KIF2B: variants seen among roughly 807,000 people sequenced by gnomAD.
KIF2B encodes kinesin family member 2B.
In KIF2B, 5 loss-of-function variants were observed where a neutral mutation model predicts 6.8. That is an observed-to-expected ratio of 0.74 (90% confidence interval 0.39 to 1.55). KIF2B has a LOEUF of 1.55. Among genes scored for constraint, KIF2B ranks in the 40% most tolerant of loss-of-function variants. KIF2B has a pLI of 0.03. For synonymous variants in KIF2B, 370 were observed against 330.7 expected (o/e 1.12, Z -1.29); for missense variants, 908 against 831.3 (o/e 1.09, Z -1.13).
In KIF2B at chr17:53,824,222, G is replaced by A. The variant is rs2143784144; in HGVS notation, c.1189G>A (p.Val397Met). The A allele has an allele frequency of 6.2e-7, 1 of 1,614,190 alleles. No individual in the cohort carries two copies. Among genetic ancestry groups the A allele is most frequent in the South Asian group, 1.1e-5 (1 of 91,080 alleles). ...GCTGCAGGAGAAAGAGGTGTGTTGT[G>A]TGGAGGAAGTGCTGAACCTGGTGGA... The part of the protein sequence containing the change: ...VGLQEKEVCC[V>M]EEVLNLVEIG... Residue 397 changes from valine (V) to methionine (M), a missense_variant, in exon 1 of 1, where the codon GTG becomes ATG. Val to Met is a conservative substitution (Grantham distance 21, BLOSUM62 1). Coordinates refer to ENST00000268919, the MANE Select transcript of KIF2B (RefSeq NM_032559.5).
rs762047480 is a variant in KIF2B, at chr17:53,824,501, C to T, written c.1468C>T (p.Pro490Ser). 6.8e-6 allele frequency: 11 copies of T among 1,613,986 alleles called. No individual in the cohort carries two copies. The East Asian group carries it at 2.0e-4, about 29-fold the overall frequency. The stretch of plus-strand genomic sequence containing the variant: ...TATTCTGGCTTTGGGTCAGAACAAG[C>T]CTCACACCCCATTCAGAGCCAGCAA... ...ECILALGQNKPHTPFRASKLT... is the reference protein window; with the variant it reads ...ECILALGQNKSHTPFRASKLT... The change falls in exon 1 of 1, where the codon CCT becomes TCT. Residue 490 changes from proline to serine, a missense_variant. Physicochemically the swap from Pro to Ser is moderately conservative, Grantham distance 74. Transcript: ENST00000268919.
In KIF2B at chr17:53,824,929, T is replaced by C. The variant is rs1567760673; in HGVS notation, c.1896T>C (p.His632=). 1 of 1,614,022 alleles carries C rather than the reference T, an allele frequency of 6.2e-7. No homozygotes were observed. Among genetic ancestry groups the C allele is most frequent in the Non-Finnish European group, 8.5e-7 (1 of 1,179,932 alleles). The change falls in exon 1 of 1, where the codon CAT becomes CAC. Residue 632 remains histidine (H), a synonymous_variant. Transcript: ENST00000268919. The part of the protein sequence containing the change: ...NIQERAGGVH[H]DIDFCIARSL... ...AGGAGAGAGCTGGTGGAGTACACCA[T>C]GATATTGATTTTTGCATTGCCCGGT...
At position 53,823,175 on chromosome 17, in the gene KIF2B, G is replaced by C. The variant is rs373169435; in HGVS notation, c.142G>C (p.Glu48Gln). The C allele has an allele frequency of 6.2e-7, 1 of 1,614,210 alleles. No individual in the cohort carries two copies. Among genetic ancestry groups the C allele is most frequent in the Non-Finnish European group, 8.5e-7 (1 of 1,180,040 alleles). ...GCGGATCCACCTCGCTGTGGTCACG[G>C]AGATCAACAGAGAAAACTATTGGGT... Reference protein sequence around the residue: ...DKRIHLAVVTEINRENYWVTV... With the variant: ...DKRIHLAVVTQINRENYWVTV... Residue 48 changes from glutamate (E) to glutamine (Q), a missense_variant, in exon 1 of 1, where the codon GAG becomes CAG. Physicochemically the swap from Glu to Gln is conservative, Grantham distance 29 (BLOSUM62 2). Transcript: ENST00000268919.
rs2143786378 is a variant in KIF2B, at chr17:53,824,668, A to T, written c.1635A>T (p.Val545=). 1.2e-6 allele frequency: 2 copies of T among 1,614,204 alleles called. No homozygotes were observed. The highest frequency in any genetic ancestry group is 1.7e-5 in the Admixed American group (1 of 60,026). ...RYANRVKKLN[V]DVRPYHRGHY... The stretch of plus-strand genomic sequence containing the variant: ...CAAACAGAGTAAAAAAATTAAATGT[A>T]GATGTAAGGCCCTACCATCGTGGCC... Residue 545 remains valine (V), a synonymous_variant, in exon 1 of 1, where the codon GTA becomes GTT. Coordinates refer to ENST00000268919, the MANE Select transcript of KIF2B (RefSeq NM_032559.5).
Position 53,824,355 on chromosome 17 carries a change from G to A in KIF2B, c.1322G>A (p.Gly441Asp), listed in dbSNP as rs1159629377. Reference sequence around the variant, plus strand: ...CTGAAGTCAGGACGGATAATGCATGGCAAGTTTTCCCTCGTTGATTTAGCT... The same window carrying A: ...CTGAAGTCAGGACGGATAATGCATGACAAGTTTTCCCTCGTTGATTTAGCT... ...IILKSGRIMHGKFSLVDLAGN... is the reference protein window; with the variant it reads ...IILKSGRIMHDKFSLVDLAGN... The change falls in exon 1 of 1, where the codon GGC becomes GAC. Residue 441 changes from glycine to aspartate, a missense_variant. Gly to Asp is a moderately conservative substitution (Grantham distance 94). Transcript: ENST00000268919. 1 of 1,614,118 alleles carries A rather than the reference G, an allele frequency of 6.2e-7. No homozygotes were observed. Among genetic ancestry groups the A allele is most frequent in the Non-Finnish European group, 8.5e-7 (1 of 1,180,026 alleles).
rs2143785509 is a variant in KIF2B at position 53,824,478 on chromosome 17, T to C, written c.1445T>C (p.Ile482Thr). Residue 482 changes from isoleucine to threonine, a missense_variant, in exon 1 of 1, where the codon ATT becomes ACT. By Grantham distance (89) the Ile-to-Thr change is moderately conservative (BLOSUM62 -1). Coordinates refer to ENST00000268919, the MANE Select transcript of KIF2B (RefSeq NM_032559.5). Reference protein sequence around the residue: ...NKSLLALKECILALGQNKPHT... With the variant: ...NKSLLALKECTLALGQNKPHT... ...AGTCTTCTAGCCCTCAAAGAATGTATTCTGGCTTTGGGTCAGAACAAGCCT... is the reference window on the plus strand; with the variant it reads ...AGTCTTCTAGCCCTCAAAGAATGTACTCTGGCTTTGGGTCAGAACAAGCCT... The C allele has an allele frequency of 2.5e-6, 4 of 1,614,144 alleles. No homozygotes were observed. The highest frequency in any genetic ancestry group is 2.2e-5 in the East Asian group (1 of 44,860).
rs1374852950 is a variant in KIF2B at position 53,824,201 on chromosome 17, C to T, written c.1168C>T (p.Gln390Ter). Residue 390 changes from glutamine to a stop codon, truncating the protein, a stop_gained, in exon 1 of 1, where the codon CAG becomes TAG. Coordinates refer to ENST00000268919, the MANE Select transcript of KIF2B (RefSeq NM_032559.5). LOFTEE classifies it low-confidence loss of function (END_TRUNC). ...TCAGCAAATCCAAGTGGTCGGGCTG[C>T]AGGAGAAAGAGGTGTGTTGTGTGGA... is the stretch of plus-strand genomic sequence containing the variant. ...GNQQIQVVGLQEKEVCCVEEV... is the reference protein window; with the variant it reads ...GNQQIQVVGL 6.2e-7 allele frequency: 1 copy of T among 1,614,010 alleles called. No homozygotes were observed. Among genetic ancestry groups the T allele is most frequent in the Non-Finnish European group, 8.5e-7 (1 of 1,180,040 alleles).
chr17:53,823,259 A>G lies in KIF2B; in HGVS notation c.226A>G (p.Ile76Val), dbSNP rs1173564771. 8 of 1,614,166 alleles carry G rather than the reference A, an allele frequency of 5.0e-6. No individual in the cohort carries two copies. Among genetic ancestry groups the G allele is most frequent in the Non-Finnish European group, 6.8e-6 (8 of 1,180,040 alleles). ...KKGKKIDLET[I>V]LLLNPALDSA... The stretch of plus-strand genomic sequence containing the variant: ...AGGCAAGAAGATTGACCTGGAGACC[A>G]TACTCCTGCTGAATCCAGCTCTGGA... Residue 76 changes from isoleucine to valine, a missense_variant, in exon 1 of 1, where the codon ATA becomes GTA. Ile to Val is a conservative substitution (Grantham distance 29). Coordinates refer to ENST00000268919, the MANE Select transcript of KIF2B (RefSeq NM_032559.5).
In KIF2B at chr17:53,823,060, A is replaced by C. The variant is rs2143777404; in HGVS notation, c.27A>C (p.Glu9Asp). MASQFCLP[E>D]SPCLSPLKPL... ...TGGCCAGCCAGTTCTGCCTCCCTGA[A>C]TCCCCATGTCTCTCGCCCCTGAAAC... Residue 9 changes from glutamate to aspartate, a missense_variant, in exon 1 of 1, where the codon GAA (glutamate) becomes GAC (aspartate). Coordinates refer to ENST00000268919, the MANE Select transcript of KIF2B (RefSeq NM_032559.5). 6.2e-7 allele frequency: 1 copy of C among 1,613,798 alleles called. No homozygotes were observed. Among genetic ancestry groups the C allele is most frequent in the South Asian group, 1.1e-5 (1 of 91,062 alleles).
At position 53,824,578 on chromosome 17, in the gene KIF2B, C is replaced by G. The variant is rs776724226; in HGVS notation, c.1545C>G (p.Cys515Trp). The G allele has an allele frequency of 1.9e-6, 3 of 1,614,146 alleles. No homozygotes were observed. The Admixed American group carries it at 5.0e-5, about 27-fold the overall frequency. ...DSFIGQNSST[C>W]MIATISPGMT... ...TTATAGGCCAGAACTCCTCCACTTG[C>G]ATGATTGCTACCATCTCTCCGGGGA... The change falls in exon 1 of 1, where the codon TGC becomes TGG. Residue 515 changes from cysteine to tryptophan, a missense_variant. By Grantham distance (215) the Cys-to-Trp change is radical. Transcript: ENST00000268919.
At position 53,824,007 on chromosome 17, in the gene KIF2B, C is replaced by G. The variant is rs1199186935; in HGVS notation, c.974C>G (p.Ser325Cys). The G allele has an allele frequency of 6.2e-7, 1 of 1,614,096 alleles. No homozygotes were observed. Among genetic ancestry groups the G allele is most frequent in the African/African-American group, 1.3e-5 (1 of 74,944 alleles). The change falls in exon 1 of 1, where the codon TCT becomes TGT. Residue 325 changes from serine (S) to cysteine (C), a missense_variant. By Grantham distance (112) the Ser-to-Cys change is moderately radical. Coordinates refer to ENST00000268919, the MANE Select transcript of KIF2B (RefSeq NM_032559.5). The part of the protein sequence containing the change: ...GDFSGTAQDC[S>C]KGIYALVAQD... ...TTTTCAGGAACGGCCCAAGATTGTT[C>G]TAAGGGCATTTATGCTCTGGTGGCA...
In KIF2B at chr17:53,823,967, A is replaced by T. The variant is rs1263418563; in HGVS notation, c.934A>T (p.Thr312Ser). The part of the protein sequence containing the change: ...YGQTGSGKTY[T>S]MGGDFSGTAQ... ...GCAGACGGGAAGTGGGAAGACGTAC[A>T]CCATGGGTGGAGACTTTTCAGGAAC... is the stretch of plus-strand genomic sequence containing the variant. Residue 312 changes from threonine (T) to serine (S), a missense_variant, in exon 1 of 1, where the codon ACC (threonine) becomes TCC (serine). Thr to Ser is a moderately conservative substitution (Grantham distance 58). Transcript: ENST00000268919. The T allele has an allele frequency of 6.2e-7, 1 of 1,614,228 alleles. No homozygotes were observed.
Position 53,825,107 on chromosome 17 carries a change from C to A in KIF2B, c.*52C>A. 1 of 1,286,748 alleles carries A rather than the reference C, an allele frequency of 7.8e-7. No homozygotes were observed. The highest frequency in any genetic ancestry group is 1.1e-6 in the Non-Finnish European group (1 of 926,454). 79.7% of individuals were successfully genotyped at this position (1,286,748 alleles called of 1,614,324 possible). A position where few individuals can be genotyped will look rare whatever the true frequency, so the allele number is the denominator to read the frequency against. On this transcript the variant is annotated 3_prime_UTR_variant, in exon 1 of 1. Coordinates refer to ENST00000268919, the MANE Select transcript of KIF2B (RefSeq NM_032559.5). ...AATGCTGCATTGCTGCAGTTTCCAC[C>A]ACTCTTATACAGGAAAACTGTCCAA...
Position 53,825,035 on chromosome 17 carries a change from G to A in KIF2B, c.2002G>A (p.Val668Met), listed in dbSNP as rs1199341356. ...KLKLLLADLH[V>M]KSKVE Reference sequence around the variant, plus strand: ...GAAATTATTACTAGCTGACCTCCACGTGAAGAGCAAGGTAGAGTGAAGCCA... The same window carrying A: ...GAAATTATTACTAGCTGACCTCCACATGAAGAGCAAGGTAGAGTGAAGCCA... The change falls in exon 1 of 1, where the codon GTG becomes ATG. Residue 668 changes from valine to methionine, a missense_variant. Coordinates refer to ENST00000268919, the MANE Select transcript of KIF2B (RefSeq NM_032559.5). 22 of 1,609,552 alleles carry A rather than the reference G, an allele frequency of 1.4e-5. No individual in the cohort carries two copies. The highest frequency in any genetic ancestry group is 3.3e-5 in the South Asian group (3 of 90,200).
rs199974044 is a variant in KIF2B at position 53,824,951 on chromosome 17, C to T, written c.1918C>T (p.Arg640Trp). Reference sequence around the variant, plus strand: ...CCATGATATTGATTTTTGCATTGCCCGGTCTTTGTCCATTTTGGAGCAGAA... The same window carrying T: ...CCATGATATTGATTTTTGCATTGCCTGGTCTTTGTCCATTTTGGAGCAGAA... ...VHHDIDFCIA[R>W]SLSILEQKID... The change falls in exon 1 of 1, where the codon CGG (arginine) becomes TGG (tryptophan). Residue 640 changes from arginine to tryptophan, a missense_variant. Coordinates refer to ENST00000268919, the MANE Select transcript of KIF2B (RefSeq NM_032559.5). The T allele has an allele frequency of 1.4e-4, 228 of 1,614,042 alleles. No homozygotes were observed. Among genetic ancestry groups the T allele is most frequent in the Non-Finnish European group, 8.1e-5 (96 of 1,179,990 alleles).
Position 53,824,403 on chromosome 17 carries a change from C to T in KIF2B, c.1370C>T (p.Thr457Ile), listed in dbSNP as rs528697656. The T allele has an allele frequency of 2.5e-6, 4 of 1,614,098 alleles. No homozygotes were observed. Among genetic ancestry groups the T allele is most frequent in the African/African-American group, 2.7e-5 (2 of 75,020 alleles). ...GCTGGGAATGAAAGAGGAGCAGATA[C>T]AACCAAGGCCAGCCGGAAAAGGCAG... The part of the protein sequence containing the change: ...DLAGNERGAD[T>I]TKASRKRQLE... The change falls in exon 1 of 1, where the codon ACA becomes ATA. Residue 457 changes from threonine (T) to isoleucine (I), a missense_variant. By Grantham distance (89) the Thr-to-Ile change is moderately conservative. Transcript: ENST00000268919.
In KIF2B at chr17:53,824,256, A is replaced by C. The variant is rs138760361; in HGVS notation, c.1223A>C (p.Asn408Thr). Residue 408 changes from asparagine (N) to threonine (T), a missense_variant, in exon 1 of 1, where the codon AAT (asparagine) becomes ACT (threonine). Physicochemically the swap from Asn to Thr is moderately conservative, Grantham distance 65. Coordinates refer to ENST00000268919, the MANE Select transcript of KIF2B (RefSeq NM_032559.5). ...EEVLNLVEIGNSCRTSRQTPV... is the reference protein window; with the variant it reads ...EEVLNLVEIGTSCRTSRQTPV... Reference sequence around the variant, plus strand: ...GTGCTGAACCTGGTGGAAATAGGGAATAGCTGTCGGACTTCCAGGCAAACA... The same window carrying C: ...GTGCTGAACCTGGTGGAAATAGGGACTAGCTGTCGGACTTCCAGGCAAACA... The C allele has an allele frequency of 3.7e-6, 6 of 1,614,130 alleles. No individual in the cohort carries two copies. The highest frequency in any genetic ancestry group is 5.1e-6 in the Non-Finnish European group (6 of 1,180,020).
At position 53,823,662 on chromosome 17, in the gene KIF2B, A is replaced by T. The variant is rs763445230; in HGVS notation, c.629A>T (p.Gln210Leu). 1.7e-5 allele frequency: 28 copies of T among 1,613,992 alleles called. No individual in the cohort carries two copies. The highest frequency in any genetic ancestry group is 2.2e-5 in the Non-Finnish European group (26 of 1,180,056). The change falls in exon 1 of 1, where the codon CAA becomes CTA. Residue 210 changes from glutamine (Q) to leucine (L), a missense_variant. Physicochemically the swap from Gln to Leu is moderately radical, Grantham distance 113. Coordinates refer to ENST00000268919, the MANE Select transcript of KIF2B (RefSeq NM_032559.5). The stretch of plus-strand genomic sequence containing the variant: ...AAGATCTCAGTCCTGGAGCCCCCGC[A>T]AGAACATCGCATCTGCGTCTGCGTG... ...SSKISVLEPP[Q>L]EHRICVCVRK...
At position 53,824,687 on chromosome 17, in the gene KIF2B, C is replaced by T. The variant is rs114241810; in HGVS notation, c.1654C>T (p.Arg552Cys). Residue 552 changes from arginine (R) to cysteine (C), a missense_variant, in exon 1 of 1, where the codon CGT becomes TGT. Arg to Cys is a radical substitution (Grantham distance 180). Coordinates refer to ENST00000268919, the MANE Select transcript of KIF2B (RefSeq NM_032559.5). ...AAATGTAGATGTAAGGCCCTACCATCGTGGCCACTATCCGATTGGACATGA... is the reference window on the plus strand; with the variant it reads ...AAATGTAGATGTAAGGCCCTACCATTGTGGCCACTATCCGATTGGACATGA... ...KLNVDVRPYHRGHYPIGHEAP... is the reference protein window; with the variant it reads ...KLNVDVRPYHCGHYPIGHEAP... The T allele has an allele frequency of 1.1e-3, 1,842 of 1,614,094 alleles. 23 individuals are homozygous for T. The African/African-American group carries it at 0.023, about 20-fold the overall frequency.
Sources: gnomAD v4.1 joint callset for allele counts on GRCh38, gnomAD v4.1.1 for gene constraint, MANE v1.5 for transcripts, NCBI Gene and HGNC (gene_info 2026-07-23, HGNC 2026-07-21) for gene names.